The following APOC3 variants were observed in gnomAD, a reference collection of about 807,000 sequenced individuals.
The protein encoded by APOC3 is apolipoprotein C-III.
APOC3 carries 6 observed loss-of-function variants against 7.3 expected under a neutral mutation model. The observed-to-expected ratio is 0.82, with a 90% CI of 0.45 to 1.61. The LOEUF (loss-of-function observed/expected upper bound fraction) is 1.61, where lower values mean the gene tolerates loss of function less well. Ranked by LOEUF, APOC3 falls within the 40% of genes most tolerant of loss-of-function variation. The pLI, the probability that APOC3 is intolerant of heterozygous loss-of-function variation, is 0.01. For missense variants in APOC3, 123 were observed against 124.9 expected (o/e 0.98, Z 0.07); for synonymous variants, 45 against 51.2 (o/e 0.88, Z 0.52).
chr11:116,831,288 CT>C (rs752110149), intron 3 of APOC3, among the ~76,000 whole-genome samples: 56 of 69,424 alleles, frequency 8.1e-4, no homozygotes, highest in East Asian at 2.4e-3. Context: ...TCTTTCCTTT[CT>C]TTCTTTCTTT....
chr11:116,830,536 C>T, intron 1 of APOC3, 34 bp from the exon 2 acceptor site: 2 of 1,611,300 alleles, frequency 1.2e-6, no homozygotes, highest in Non-Finnish European at 1.7e-6. Flanking sequence ...GGCATGGGGA[C>T]CTGGGGTGCC....
At chr11:116,832,521 T>C (rs917307472) in intron 3 of APOC3, among the ~76,000 whole-genome samples, 1 of 152,168 alleles carries the variant, frequency 6.6e-6, no homozygotes, top group Non-Finnish European at 1.5e-5. Flanking sequence ...GGCATAAACA[T>C]CTGAGGTGAC....
rs1565336549 is a variant in APOC3, at chr11:116,831,261, T to TC, written c.179+366dup. Among the ~76,000 whole-genome samples, 10 of 61,146 alleles carry TC rather than the reference T, an allele frequency of 1.6e-4. No individual in the cohort carries two copies. In the East Asian group the frequency reaches 1.7e-3, roughly 10 times the overall value. 40.1% of individuals were successfully genotyped at this position (61,146 alleles called of 152,430 possible). A position where few individuals can be genotyped will look rare whatever the true frequency, so the allele number is the denominator to read the frequency against. On this transcript the variant is annotated intron_variant, in intron 3 of 3. Transcript: ENST00000227667. ...TCTTTCTTTCTTTCTTTCTTTCCTT[T>TC]CTTTCTTTCCTTTCTTTCTTTCCTT...
At chr11:116,830,438 A>G (rs1051374368) in intron 1 of APOC3, 132 bp from the exon 2 acceptor site, 5 of 914,568 alleles carry the variant, frequency 5.5e-6, no homozygotes, top group Non-Finnish European at 6.9e-6. Context: ...AGCCCGTATT[A>G]GCAGGGAGCC....
intron 1 of APOC3, 58 bp from the exon 2 acceptor site, chr11:116,830,512 G>T (rs1292987770): frequency 6.3e-7 from 1 of 1,592,008 alleles, no homozygotes; most frequent in South Asian, 1.1e-5. Context: ...CACCTCCCCA[G>T]GGAGGGGTCC....
intron 3 of APOC3, chr11:116,831,235 TTCTTTCTTTC>T (rs1290274399): frequency 5.7e-6 from 1 of 174,460 alleles, no homozygotes; most frequent in African/African-American, 3.2e-5. Flanking sequence ...CTTTCTTTCT[TTCTTTCTTTC>T]TTTCTTTCTT....
intron 3 of APOC3, among the ~76,000 whole-genome samples, chr11:116,832,062 C>A (rs5132): frequency 1.2e-4 from 19 of 152,166 alleles, no homozygotes; most frequent in African/African-American, 4.1e-4. Context: ...CCACCTGACC[C>A]AATTCAAGCC....
At chr11:116,830,545 C>A (rs1188439993) in intron 1 of APOC3, 25 bp from the exon 2 acceptor site, 2 of 1,613,192 alleles carry the variant, frequency 1.2e-6, no homozygotes, top group South Asian at 2.2e-5. Flanking sequence ...ACCTGGGGTG[C>A]CCCTCACAGG....
chr11:116,831,031 C>T, intron 3 of APOC3, 135 bp downstream of exon 3: 1 of 1,085,074 alleles, frequency 9.2e-7, no homozygotes, highest in Non-Finnish European at 1.3e-6. Flanking sequence ...TCAGCCTCCT[C>T]TTTCCTCACA....
In APOC3 at chr11:116,831,300, CCTT is replaced by C. The variant is rs1254631606; in HGVS notation, c.179+405_179+407del. 4.0e-4 allele frequency among the ~76,000 whole-genome samples: 44 copies of C among 110,536 alleles called. No homozygotes were observed. The East Asian group carries it at 4.4e-3, about 11-fold the overall frequency. The allele number at this position is 110,536 out of a possible 152,430, so 72.5% of individuals were successfully genotyped here. A position where few individuals can be genotyped will look rare whatever the true frequency, so the allele number is the denominator to read the frequency against. The stretch of plus-strand genomic sequence containing the variant: ...CTTTCTTTCCTTTCTTTCTTTCTTT[CCTT>C]TCTTTCTCTTTCTTTCTTTCTTTCC... On this transcript the variant is annotated intron_variant, in intron 3 of 3. Coordinates refer to ENST00000227667, the MANE Select transcript of APOC3 (RefSeq NM_000040.3).
In APOC3 at chr11:116,830,891, G is replaced by A. The variant is rs902239160; in HGVS notation, c.174G>A (p.Gln58=). The A allele has an allele frequency of 3.7e-6, 6 of 1,612,224 alleles. No homozygotes were observed. In the South Asian group the frequency reaches 5.5e-5, roughly 15 times the overall value. The change falls in exon 3 of 4, where the codon CAG becomes CAA. Residue 58 remains glutamine, a synonymous_variant. Transcript: ENST00000227667. ...TGCAGGAGTCCCAGGTGGCCCAGCAGGCCAGGTACACCCGCTGGCCTCCCT... is the reference window on the plus strand; with the variant it reads ...TGCAGGAGTCCCAGGTGGCCCAGCAAGCCAGGTACACCCGCTGGCCTCCCT... ...SSVQESQVAQ[Q]ARGWVTDGFS...
Position 116,830,667 on chromosome 11 carries a change from C to T in APOC3, c.55+30C>T, listed in dbSNP as rs374842256. Reference sequence around the variant, plus strand: ...GCACTTGGTGGGACTGGGCTGGGGGCAGGGTGGAGGCAACTTGGGGATCCC... The same window carrying T: ...GCACTTGGTGGGACTGGGCTGGGGGTAGGGTGGAGGCAACTTGGGGATCCC... On this transcript the variant is annotated intron_variant, in intron 2 of 3. Transcript: ENST00000227667. 4.0e-5 allele frequency: 65 copies of T among 1,613,474 alleles called. No homozygotes were observed. The Middle Eastern group carries it at 6.6e-4, about 16-fold the overall frequency.
chr11:116,831,289 TTTCTTTCTTTCCTTTCTTTC>T (rs2134225888), intron 3 of APOC3, among the ~76,000 whole-genome samples: 1 of 103,474 alleles, frequency 9.7e-6, no homozygotes, highest in South Asian at 2.8e-4. Flanking sequence ...CTTTCCTTTC[TTTCTTTCTTTCCTTTCTTTC>T]TCTTTCTTTC....
At chr11:116,830,666 G>T in intron 2 of APOC3, 29 bp downstream of exon 2, 1 of 1,613,614 alleles carries the variant, frequency 6.2e-7, no homozygotes, top group Non-Finnish European at 8.5e-7. Flanking sequence ...TGGGCTGGGG[G>T]CAGGGTGGAG....
chr11:116,831,204 T>TCTTTCTTC, intron 3 of APOC3: 1 of 105,526 alleles, frequency 9.5e-6, no homozygotes, highest in Admixed American at 1.0e-4. Flanking sequence ...TTTCTTTCTT[T>TCTTTCTTC]CTTTCTTTCT....
intron 3 of APOC3, chr11:116,831,221 CTTTCTTTCTTTCTTTCTTTCTTT>C (rs1941448996): frequency 3.2e-5 from 6 of 186,288 alleles, no homozygotes; most frequent in East Asian, 2.2e-4. Flanking sequence ...TTCTTTCTTT[CTTTCTTTCTTTCTTTCTTTCTTT>C]CTTTCTTTCT....
intron 3 of APOC3, 117 bp from the exon 4 acceptor site, chr11:116,832,647 T>TGAGA (rs1172394120): frequency 4.1e-6 from 6 of 1,452,044 alleles, no homozygotes; most frequent in Non-Finnish European, 5.8e-6. Context: ...CCAGTGAAGT[T>TGAGA]GAGAGGGTGG....
chr11:116,831,135 G>A (rs947670809), intron 3 of APOC3: 20 of 507,302 alleles, frequency 3.9e-5, no homozygotes, highest in Non-Finnish European at 4.2e-5. Flanking sequence ...CCTAGGGCGT[G>A]CCGTTTTAGC....
intron 1 of APOC3, 158 bp from the exon 2 acceptor site, chr11:116,830,412 C>T (rs1941432422): frequency 2.7e-6 from 2 of 751,254 alleles, no homozygotes; most frequent in South Asian, 1.6e-5. Context: ...CGCCCCTCAC[C>T]AGTCCCCCTT....
Sources: allele counts gnomAD v4.1 joint callset (sites outside exome capture counted in the v4.1 genomes callset), GRCh38; gene constraint gnomAD v4.1.1; transcripts MANE v1.5; gene names NCBI Gene and HGNC (gene_info 2026-07-23, HGNC 2026-07-21).